Variants in CLCN3 observed in about 807,000 individuals in gnomAD.
CLCN3 encodes the protein Cl-/H+ antiporter 3.
Under a neutral mutation model 83.4 loss-of-function variants are expected in CLCN3, and 16 were observed. That is an observed-to-expected ratio of 0.19 (90% confidence interval 0.13 to 0.29). The LOEUF is 0.29. Ranked by LOEUF, CLCN3 falls within the 10% of genes least tolerant of loss-of-function variation. CLCN3 has a pLI of 1.00. For missense variants in CLCN3, 544 were observed against 1,006.0 expected (o/e 0.54, Z 6.21); for synonymous variants, 322 against 346.2 (o/e 0.93, Z 0.78).
chr4:169,661,341 A>G (rs1581218110), intron 2 of CLCN3, among the ~76,000 whole-genome samples: 1 of 152,270 alleles, frequency 6.6e-6, no homozygotes, highest in South Asian at 2.1e-4. Context: ...TTATAAACTC[A>G]CCTTATGATT....
chr4:169,656,035 T>C (rs1730871653), intron 2 of CLCN3, among the ~76,000 whole-genome samples: 1 of 152,194 alleles, frequency 6.6e-6, no homozygotes, highest in South Asian at 2.1e-4. Context: ...GTGTAGTTTA[T>C]TGATTGTCCC....
chr4:169,691,510 C>T (rs1389723236), intron 6 of CLCN3, among the ~76,000 whole-genome samples: 1 of 152,120 alleles, frequency 6.6e-6, no homozygotes, highest in East Asian at 1.9e-4. Flanking sequence ...TTGATTTGAA[C>T]TTATCTCTTC....
chr4:169,649,763 T>C (rs1560835630), intron 2 of CLCN3, among the ~76,000 whole-genome samples: 1 of 152,154 alleles, frequency 6.6e-6, no homozygotes, highest in African/African-American at 2.4e-5. Context: ...CATCTGTTAA[T>C]GTGTAGTGAA....
chr4:169,677,820 T>C (rs1731738545), intron 2 of CLCN3, among the ~76,000 whole-genome samples: 1 of 152,254 alleles, frequency 6.6e-6, no homozygotes, highest in Non-Finnish European at 1.5e-5. Flanking sequence ...GGAAATGATA[T>C]TGTGGATTTG....
chr4:169,639,152 T>G (rs1224332750), intron 2 of CLCN3, among the ~76,000 whole-genome samples: 1 of 152,194 alleles, frequency 6.6e-6, no homozygotes, highest in Non-Finnish European at 1.5e-5. Flanking sequence ...GCCTCAGCCT[T>G]CTGAGTAGCT....
At chr4:169,627,776 A>T (rs950245008) in intron 1 of CLCN3, among the ~76,000 whole-genome samples, 2 of 152,230 alleles carry the variant, frequency 1.3e-5, no homozygotes. Flanking sequence ...TTATTTATTC[A>T]TACAATATAA....
intron 6 of CLCN3, among the ~76,000 whole-genome samples, chr4:169,691,295 G>A (rs1330370522): frequency 2.6e-5 from 4 of 152,142 alleles, no homozygotes; most frequent in South Asian, 4.2e-4. Flanking sequence ...GGGATTACAG[G>A]TGTGAGCCAC....
At chr4:169,702,444 G>T (rs1181631598) in intron 9 of CLCN3, among the ~76,000 whole-genome samples, 3 of 152,186 alleles carry the variant, frequency 2.0e-5, no homozygotes, top group African/African-American at 7.2e-5. Flanking sequence ...TGTTTTAAAA[G>T]GAATCTTTTT....
chr4:169,698,033 A>C (rs1732634659), intron 9 of CLCN3, among the ~76,000 whole-genome samples: 1 of 152,290 alleles, frequency 6.6e-6, no homozygotes, highest in South Asian at 2.1e-4. Context: ...GGTCTTTCAT[A>C]TAGTTGTTAT....
intron 2 of CLCN3, among the ~76,000 whole-genome samples, chr4:169,638,800 G>A (rs187403221): frequency 2.0e-5 from 3 of 152,222 alleles, no homozygotes; most frequent in Non-Finnish European, 2.9e-5. Flanking sequence ...TTATCAGGGA[G>A]GATAATTTTT....
intron 6 of CLCN3, 44 bp downstream of exon 6, chr4:169,690,696 C>T (rs1294036568): frequency 1.3e-6 from 2 of 1,562,352 alleles, no homozygotes; most frequent in Non-Finnish European, 1.7e-6. Flanking sequence ...TATTATGATG[C>T]TTATCTTTTT....
intron 1 of CLCN3, among the ~76,000 whole-genome samples, chr4:169,631,919 C>T (rs1159240733): frequency 1.3e-5 from 2 of 152,010 alleles, no homozygotes; most frequent in Admixed American, 6.6e-5. Flanking sequence ...AAAATGGAAT[C>T]GGTAATAAAA....
intron 1 of CLCN3, among the ~76,000 whole-genome samples, chr4:169,624,870 C>T (rs1382722735): frequency 3.3e-5 from 5 of 152,162 alleles, no homozygotes; most frequent in African/African-American, 7.2e-5. Flanking sequence ...CAGCTATCCT[C>T]AGTCTCTGCC....
chr4:169,716,195 C>T (rs1274772677), intron 12 of CLCN3, among the ~76,000 whole-genome samples: 2 of 152,156 alleles, frequency 1.3e-5, no homozygotes, highest in Non-Finnish European at 2.9e-5. Context: ...AAGCAGCACT[C>T]TGACTTTATT....
chr4:169,645,179 C>G (rs1730538825), intron 2 of CLCN3, among the ~76,000 whole-genome samples: 2 of 152,122 alleles, frequency 1.3e-5, no homozygotes, highest in Non-Finnish European at 1.5e-5. Context: ...TTTTTGGGGT[C>G]TCTCGACAAT....
chr4:169,674,524 A>G (rs1347930970), intron 2 of CLCN3, among the ~76,000 whole-genome samples: 1 of 152,180 alleles, frequency 6.6e-6, no homozygotes, highest in Non-Finnish European at 1.5e-5. Context: ...AAGTTACTAC[A>G]TAACATTAGG....
chr4:169,631,839 T>C (rs1773379240), intron 1 of CLCN3, among the ~76,000 whole-genome samples: 1 of 152,086 alleles, frequency 6.6e-6, no homozygotes, highest in African/African-American at 2.4e-5. Context: ...AATGGGTAAA[T>C]TCTGGAAACA....
intron 9 of CLCN3, 58 bp from the exon 10 acceptor site, chr4:169,703,940 G>A: frequency 6.7e-7 from 1 of 1,502,628 alleles, no homozygotes; most frequent in Non-Finnish European, 9.2e-7. Flanking sequence ...TAGAATGTAA[G>A]TTTCAGGCAT....
intron 2 of CLCN3, among the ~76,000 whole-genome samples, chr4:169,669,736 T>A (rs1237211334): frequency 6.6e-6 from 1 of 152,202 alleles, no homozygotes; most frequent in African/African-American, 2.4e-5. Context: ...CCCTTTTTTC[T>A]CCTCCCCAGC....
Sources: gnomAD v4.1 joint callset for allele counts (sites outside exome capture counted in the v4.1 genomes callset) on GRCh38, gnomAD v4.1.1 for gene constraint, MANE v1.5 for transcripts, NCBI Gene and HGNC (gene_info 2026-07-23, HGNC 2026-07-21) for gene names.